Variants in CCDC91 observed in about 807,000 individuals in gnomAD.
CCDC91 encodes coiled-coil domain-containing protein 91.
CCDC91 carries 48 observed loss-of-function variants against 63.2 expected under a neutral mutation model. The ratio of observed to expected loss-of-function variants is 0.76; its 90% CI spans 0.60 to 0.97. The LOEUF (loss-of-function observed/expected upper bound fraction) is 0.97. Among genes scored for constraint, CCDC91 ranks in the 50% least tolerant of loss-of-function variants. CCDC91 has a pLI of 0.00. For missense variants in CCDC91, 500 were observed against 494.6 expected, an observed-to-expected ratio of 1.01 and a Z score of -0.10; for synonymous variants, 167 against 165.8, an observed-to-expected ratio of 1.01 and a Z score of -0.06.
chr12:28,362,516 G>A lies in CCDC91; in HGVS notation c.654+1G>A, dbSNP rs1311523701. Reference sequence around the variant, plus strand: ...CAGCATTATTGTGGATGAATATAAGGTAGAGGTTTGAGAGTGTTTACTTTT... The same window carrying A: ...CAGCATTATTGTGGATGAATATAAGATAGAGGTTTGAGAGTGTTTACTTTT... On this transcript the variant is annotated splice_donor_variant, in intron 7 of 12. Coordinates refer to ENST00000536442, the MANE Select transcript of CCDC91 (RefSeq NM_018318.5). LOFTEE classifies it high-confidence loss of function. 3.2e-6 allele frequency: 5 copies of A among 1,574,258 alleles called. No homozygotes were observed. The highest frequency in any genetic ancestry group is 1.4e-5 in the African/African-American group (1 of 73,382).
intron 12 of CCDC91, among the ~76,000 whole-genome samples, chr12:28,544,984 C>T (rs181067071): frequency 8.5e-4 from 129 of 152,024 alleles, no homozygotes; most frequent in Admixed American, 3.0e-3. Flanking sequence ...GCAGTTATAC[C>T]AGCAAACTGA....
At chr12:28,291,870 C>G (rs1273920664) in intron 3 of CCDC91, among the ~76,000 whole-genome samples, 8 of 152,122 alleles carry the variant, frequency 5.3e-5, no homozygotes, top group Admixed American at 5.2e-4. Flanking sequence ...TATAGTTGAT[C>G]AGCCTTGATG....
intron 7 of CCDC91, among the ~76,000 whole-genome samples, chr12:28,379,062 T>C (rs1592488309): frequency 6.6e-6 from 1 of 151,980 alleles, no homozygotes; most frequent in East Asian, 1.9e-4. Context: ...GTCCATTAGC[T>C]GATAGTCAAA....
chr12:28,346,606 A>C (rs1942830983), intron 6 of CCDC91, among the ~76,000 whole-genome samples: 1 of 152,164 alleles, frequency 6.6e-6, no homozygotes, highest in South Asian at 2.1e-4. Flanking sequence ...GTTTATTAAG[A>C]AGAATATTTT....
At chr12:28,424,990 C>G (rs1948226473) in intron 8 of CCDC91, among the ~76,000 whole-genome samples, 1 of 152,094 alleles carries the variant, frequency 6.6e-6, no homozygotes, top group African/African-American at 2.4e-5. Context: ...TTAAAGTGAG[C>G]CGCTTTTTCT....
chr12:28,425,981 G>A (rs1161589815), intron 8 of CCDC91, among the ~76,000 whole-genome samples: 1 of 152,152 alleles, frequency 6.6e-6, no homozygotes, highest in African/African-American at 2.4e-5. Flanking sequence ...GTTGCTGTAT[G>A]TACGTGGGCC....
chr12:28,412,433 G>C (rs1056990934), intron 8 of CCDC91, among the ~76,000 whole-genome samples: 1 of 152,168 alleles, frequency 6.6e-6, no homozygotes, highest in African/African-American at 2.4e-5. Context: ...GTAGGACATA[G>C]ATTTAGAAAG....
At chr12:28,238,918 G>A (rs530089738) in intron 1 of CCDC91, among the ~76,000 whole-genome samples, 4 of 152,062 alleles carry the variant, frequency 2.6e-5, no homozygotes, top group Admixed American at 2.6e-4. Flanking sequence ...TCAGAAGTTC[G>A]AGATCATCCT....
At chr12:28,271,669 T>G (rs924177361) in intron 3 of CCDC91, among the ~76,000 whole-genome samples, 1 of 151,884 alleles carries the variant, frequency 6.6e-6, no homozygotes, top group African/African-American at 2.4e-5. Context: ...ACTCTGCTTC[T>G]TTTCTTTCCG....
chr12:28,274,788 C>T (rs930337754), intron 3 of CCDC91, among the ~76,000 whole-genome samples: 1 of 152,064 alleles, frequency 6.6e-6, no homozygotes, highest in Non-Finnish European at 1.5e-5. Flanking sequence ...CATCTGCAAA[C>T]AGGGACAATT....
At chr12:28,217,438 A>T (rs1309111171) in intron 1 of CCDC91, among the ~76,000 whole-genome samples, 1 of 152,148 alleles carries the variant, frequency 6.6e-6, no homozygotes, top group Non-Finnish European at 1.5e-5. Flanking sequence ...GCTTGTATTC[A>T]TTTTTATAGG....
chr12:28,398,359 A>G (rs1260196213), intron 8 of CCDC91, among the ~76,000 whole-genome samples: 1 of 152,140 alleles, frequency 6.6e-6, no homozygotes, highest in Non-Finnish European at 1.5e-5. Context: ...ACATGTATTA[A>G]TAATTTATAC....
chr12:28,362,560 T>C lies in CCDC91; in HGVS notation c.654+45T>C, dbSNP rs776498114. The C allele has an allele frequency of 1.1e-5, 14 of 1,242,798 alleles. No individual in the cohort carries two copies. In the South Asian group the frequency reaches 1.4e-4, roughly 12 times the overall value. 77.0% of individuals were successfully genotyped at this position (1,242,798 alleles called of 1,614,324 possible). A position where few individuals can be genotyped will look rare whatever the true frequency, so the allele number is the denominator to read the frequency against. ...TACTTTTTTAAACCTTGGATAACTTTAGTAAAAAATGTACACATGTAGGTA... is the reference window on the plus strand; with the variant it reads ...TACTTTTTTAAACCTTGGATAACTTCAGTAAAAAATGTACACATGTAGGTA... On this transcript the variant is annotated intron_variant, in intron 7 of 12. Transcript: ENST00000536442.
In CCDC91 at chr12:28,510,236, C is replaced by CGTGTGTGTGTGTGTGTGTGT. The variant is rs567113847; in HGVS notation, c.1215+26071_1215+26072insGTGTGTGTGTGTGTGTGTGT. The stretch of plus-strand genomic sequence containing the variant: ...CTCCAGAGAGACAGAGTCAATAGGG[C>CGTGTGTGTGTGTGTGTGTGT]ATGTGTGTGTGTGTGTGTGTGTAGA... On this transcript the variant is annotated intron_variant, in intron 12 of 12. Coordinates refer to ENST00000536442, the MANE Select transcript of CCDC91 (RefSeq NM_018318.5). Among the ~76,000 whole-genome samples, 184 of 135,998 alleles carry CGTGTGTGTGTGTGTGTGTGT rather than the reference C, an allele frequency of 1.4e-3. 3 individuals carry two copies. The highest frequency in any genetic ancestry group is 4.5e-3 in the South Asian group (21 of 4,678). 89.2% of individuals were successfully genotyped at this position (135,998 alleles called of 152,430 possible).
At chr12:28,488,288 T>G (rs911928268) in intron 12 of CCDC91, among the ~76,000 whole-genome samples, 9 of 151,848 alleles carry the variant, frequency 5.9e-5, no homozygotes, top group African/African-American at 2.2e-4. Context: ...TACCTGTACA[T>G]GTACTAATTA....
chr12:28,273,666 C>A (rs1031972149), intron 3 of CCDC91, among the ~76,000 whole-genome samples: 15 of 151,928 alleles, frequency 9.9e-5, no homozygotes, highest in Admixed American at 8.5e-4. Flanking sequence ...TCATATCCTT[C>A]GCCCACTTTT....
chr12:28,223,608 T>G (rs533562384), intron 1 of CCDC91, among the ~76,000 whole-genome samples: 1 of 152,330 alleles, frequency 6.6e-6, no homozygotes, highest in East Asian at 1.9e-4. Context: ...ACCTCAATAT[T>G]TTATATCTGA....
At chr12:28,259,269 A>G in intron 2 of CCDC91, 95 bp from the exon 3 acceptor site, 1 of 861,000 alleles carries the variant, frequency 1.2e-6, no homozygotes, top group Admixed American at 1.8e-5. Context: ...CTGGTGTGTT[A>G]TAGAAGATAT....
intron 6 of CCDC91, among the ~76,000 whole-genome samples, chr12:28,326,943 TC>T (rs1352515613): frequency 2.0e-5 from 3 of 152,042 alleles, no homozygotes; most frequent in Non-Finnish European, 4.4e-5. Context: ...GGCTCACAAA[TC>T]AACTTCTCAG....
Sources: gnomAD v4.1 joint callset for allele counts (sites outside exome capture counted in the v4.1 genomes callset) on GRCh38, gnomAD v4.1.1 for gene constraint, MANE v1.5 for transcripts, NCBI Gene and HGNC (gene_info 2026-07-23, HGNC 2026-07-21) for gene names.